The following CAMK1D variants were observed in gnomAD, a reference collection of about 807,000 sequenced individuals.
CAMK1D encodes calcium/calmodulin dependent protein kinase ID, also known as calcium/calmodulin-dependent protein kinase type 1D.
CAMK1D carries 9 observed loss-of-function variants against 47.7 expected under a neutral mutation model. The ratio of observed to expected loss-of-function variants is 0.19; its 90% CI spans 0.11 to 0.33. The LOEUF is 0.33. Ranked by LOEUF, CAMK1D falls within the 10% of genes least tolerant of loss-of-function variation. The pLI is 1.00. For missense variants in CAMK1D, 291 were observed against 488.7 expected, an observed-to-expected ratio of 0.60 and a Z score of 3.81; for synonymous variants, 184 against 184.9, an observed-to-expected ratio of 0.99 and a Z score of 0.04.
intron 5 of CAMK1D, among the ~76,000 whole-genome samples, chr10:12,787,089 C>T (rs1837757662): frequency 6.6e-6 from 1 of 151,982 alleles, no homozygotes; most frequent in Non-Finnish European, 1.5e-5. Context: ...TGCCACTGCA[C>T]TCCAGCCTGG....
At chr10:12,396,194 G>A (rs1488044724) in intron 1 of CAMK1D, among the ~76,000 whole-genome samples, 2 of 152,134 alleles carry the variant, frequency 1.3e-5, no homozygotes, top group Non-Finnish European at 2.9e-5. Context: ...TTTTTTAAGT[G>A]TTCAGTAGCC....
intron 3 of CAMK1D, among the ~76,000 whole-genome samples, chr10:12,669,623 C>G (rs1017556087): frequency 1.3e-5 from 2 of 152,110 alleles, no homozygotes; most frequent in African/African-American, 2.4e-5. Context: ...TTAAAGCCAC[C>G]ACCACTGTCA....
intron 1 of CAMK1D, among the ~76,000 whole-genome samples, chr10:12,476,753 G>A (rs1174964934): frequency 1.3e-5 from 2 of 152,146 alleles, no homozygotes; most frequent in East Asian, 1.9e-4. Flanking sequence ...TGAACTTGAA[G>A]TTGGGATTAG....
intron 1 of CAMK1D, chr10:12,456,649 G>C (rs897901682): frequency 6.6e-6 from 1 of 151,318 alleles, no homozygotes; most frequent in South Asian, 2.1e-4. Flanking sequence ...ATGGCGGCAC[G>C]TGCCTGTTGT....
At chr10:12,423,135 G>T (rs10508442) in intron 1 of CAMK1D, among the ~76,000 whole-genome samples, 29,292 of 152,070 alleles carry the variant, frequency 0.19, 3,019 homozygotes, top group Admixed American at 0.28. Context: ...CCGCTTCTGT[G>T]TTCTTCTAGG....
chr10:12,626,841 T>C (rs1479654356), intron 2 of CAMK1D, among the ~76,000 whole-genome samples: 2 of 152,184 alleles, frequency 1.3e-5, no homozygotes, highest in African/African-American at 4.8e-5. Context: ...TAGAACATCA[T>C]CTACTGATGT....
chr10:12,372,331 T>C (rs1358561110), intron 1 of CAMK1D, among the ~76,000 whole-genome samples: 1 of 152,222 alleles, frequency 6.6e-6, no homozygotes, highest in Admixed American at 6.5e-5. Flanking sequence ...ATTTTAGAGA[T>C]GAGGAAACTG....
chr10:12,816,502 G>GC (rs1412085689), intron 8 of CAMK1D, among the ~76,000 whole-genome samples, 174 bp downstream of exon 8: 1 of 151,942 alleles, frequency 6.6e-6, no homozygotes, highest in Non-Finnish European at 1.5e-5. Context: ...GAACTCTTGT[G>GC]CCCCCAGGAC....
chr10:12,500,417 G>C (rs1011040835), intron 1 of CAMK1D, among the ~76,000 whole-genome samples: 1 of 152,208 alleles, frequency 6.6e-6, no homozygotes, highest in Non-Finnish European at 1.5e-5. Context: ...AGGTCAGTGA[G>C]ACATAGCATT....
intron 1 of CAMK1D, among the ~76,000 whole-genome samples, chr10:12,379,785 ATAACT>A (rs377535091): frequency 7.9e-5 from 12 of 152,264 alleles, no homozygotes; most frequent in African/African-American, 2.4e-4. Context: ...AGAAAATAAA[ATAACT>A]TAATTTGAGG....
chr10:12,814,525 G>A (rs576647753), intron 7 of CAMK1D, among the ~76,000 whole-genome samples: 51 of 152,106 alleles, frequency 3.4e-4, no homozygotes, highest in Non-Finnish European at 6.6e-4. Flanking sequence ...AGATCAATTC[G>A]CCAGCACATT....
chr10:12,515,567 C>A (rs550182352), intron 1 of CAMK1D, among the ~76,000 whole-genome samples: 1 of 93,960 alleles, frequency 1.1e-5, no homozygotes, highest in Non-Finnish European at 2.2e-5. Context: ...ATCCCTCCCC[C>A]CTCCCCCGAC....
At chr10:12,522,405 G>A (rs1157301673) in intron 1 of CAMK1D, among the ~76,000 whole-genome samples, 2 of 113,508 alleles carry the variant, frequency 1.8e-5, no homozygotes, top group Admixed American at 8.5e-5. Flanking sequence ...GACTCTTAAC[G>A]AGCATGCTGC....
intron 8 of CAMK1D, among the ~76,000 whole-genome samples, chr10:12,819,043 G>C (rs1233052232): frequency 6.6e-6 from 1 of 152,188 alleles, no homozygotes; most frequent in Non-Finnish European, 1.5e-5. Flanking sequence ...GGAGGGATGT[G>C]AGCCTAGTGC....
intron 1 of CAMK1D, among the ~76,000 whole-genome samples, chr10:12,495,083 A>G (rs577524406): frequency 6.6e-6 from 1 of 152,350 alleles, no homozygotes; most frequent in East Asian, 1.9e-4. Context: ...TTAAAAAGAA[A>G]GGTGGACTGT....
intron 3 of CAMK1D, among the ~76,000 whole-genome samples, chr10:12,678,005 A>G (rs1840868739): frequency 6.7e-6 from 1 of 149,578 alleles, no homozygotes; most frequent in Non-Finnish European, 1.5e-5. Context: ...GCTGATACAT[A>G]AAAGATTTAG....
intron 3 of CAMK1D, among the ~76,000 whole-genome samples, chr10:12,712,601 C>T (rs748484801): frequency 2.6e-5 from 4 of 152,102 alleles, no homozygotes; most frequent in Non-Finnish European, 5.9e-5. Flanking sequence ...AGGGCTCTGG[C>T]GTCTCTTCTT....
chr10:12,722,269 C>A (rs974930424), intron 3 of CAMK1D, among the ~76,000 whole-genome samples: 2 of 151,492 alleles, frequency 1.3e-5, no homozygotes, highest in African/African-American at 2.4e-5. Flanking sequence ...CACAGTGAAA[C>A]CCCATCTCTA....
At chr10:12,484,614 C>T (rs570710908) in intron 1 of CAMK1D, among the ~76,000 whole-genome samples, 1 of 152,122 alleles carries the variant, frequency 6.6e-6, no homozygotes, top group East Asian at 1.9e-4. Context: ...GAAATAGCTG[C>T]GGGGAGGGTG....
Sources: gnomAD v4.1 joint callset for allele counts (sites outside exome capture counted in the v4.1 genomes callset) on GRCh38, gnomAD v4.1.1 for gene constraint, MANE v1.5 for transcripts, NCBI Gene and HGNC (gene_info 2026-07-23, HGNC 2026-07-21) for gene names.